Variants in PHF8 observed in about 807,000 individuals in gnomAD.
The protein encoded by PHF8 is PHD finger protein 8.
In PHF8, 9 loss-of-function variants were observed where a neutral mutation model predicts 74.4. The observed-to-expected ratio is 0.12, with a 90% confidence interval of 0.07 to 0.21. PHF8 has a LOEUF of 0.21. PHF8 is among the 10% of genes least tolerant of loss of function. The pLI is 1.00. For missense variants in PHF8, 478 were observed against 816.6 expected, an observed-to-expected ratio of 0.59 and a Z score of 5.05; for synonymous variants, 311 against 316.6, an observed-to-expected ratio of 0.98 and a Z score of 0.19.
intron 11 of PHF8, among the ~76,000 whole-genome samples, chrX:53,997,957 C>G (rs1443248523): frequency 8.9e-6 from 1 of 111,745 alleles, no homozygotes; most frequent in Non-Finnish European, 1.9e-5. Context: ...ACAAGTTAAG[C>G]CTGCAGTGCA....
At chrX:53,941,760 T>G (rs185824925) in intron 20 of PHF8, among the ~76,000 whole-genome samples, 1 of 111,915 alleles carries the variant, frequency 8.9e-6, no homozygotes, top group Non-Finnish European at 1.9e-5. Flanking sequence ...CTTCTATAAT[T>G]ACTCATTTAA....
intron 2 of PHF8, among the ~76,000 whole-genome samples, chrX:54,037,502 C>T (rs1360705888): frequency 8.9e-6 from 1 of 112,154 alleles, no homozygotes; most frequent in Admixed American, 9.5e-5. Flanking sequence ...CAGCCTTGGC[C>T]TCCCAAAGTG....
chrX:54,007,280 T>A (rs2065910539), intron 8 of PHF8, among the ~76,000 whole-genome samples: 1 of 111,857 alleles, frequency 8.9e-6, no homozygotes, highest in Non-Finnish European at 1.9e-5. Context: ...ATGAAAGATC[T>A]AAATGTAAGA....
chrX:53,989,757 TTGTC>T (rs1410873129), intron 14 of PHF8, among the ~76,000 whole-genome samples: 5 of 112,296 alleles, frequency 4.5e-5, no homozygotes, highest in African/African-American at 1.6e-4. Flanking sequence ...TTTCAGTGAA[TTGTC>T]TGTCATTTAA....
chrX:53,981,322 T>C (rs1007962112), intron 18 of PHF8, among the ~76,000 whole-genome samples: 1 of 112,225 alleles, frequency 8.9e-6, no homozygotes, highest in Non-Finnish European at 1.9e-5. Flanking sequence ...AACCAATCAG[T>C]GGTAGACTTT....
At chrX:53,977,941 C>T (rs1237623163) in intron 18 of PHF8, among the ~76,000 whole-genome samples, 3 of 103,323 alleles carry the variant, frequency 2.9e-5, no homozygotes, top group Non-Finnish European at 5.9e-5. Context: ...CCACTGCGCC[C>T]GGCCTTTTTT....
At position 53,938,980 on chromosome X, in the gene PHF8, T is replaced by C; in HGVS notation, c.*178A>G. Reference sequence around the variant, plus strand: ...GGCAGGCAGGATGCTCTAGTGAAAGTGGGGAAGGGAACTAGAAGGAGTCGG... The same window carrying C: ...GGCAGGCAGGATGCTCTAGTGAAAGCGGGGAAGGGAACTAGAAGGAGTCGG... On this transcript the variant is annotated 3_prime_UTR_variant, in exon 22 of 22. Coordinates refer to ENST00000338154, the MANE Select transcript of PHF8 (RefSeq NM_015107.3). 2.0e-6 allele frequency: 2 copies of C among 1,010,922 alleles called. No individual in the cohort carries two copies. Among genetic ancestry groups the C allele is most frequent in the Non-Finnish European group, 2.5e-6 (2 of 797,611 alleles). 83.3% of individuals were successfully genotyped at this position (1,010,922 alleles called of 1,213,427 possible). A position where few individuals can be genotyped will look rare whatever the true frequency, so the allele number is the denominator to read the frequency against.
At chrX:54,009,483 G>T (rs1557106196) in intron 8 of PHF8, among the ~76,000 whole-genome samples, 1 of 109,516 alleles carries the variant, frequency 9.1e-6, no homozygotes, top group African/African-American at 3.3e-5. Context: ...GCAGAGGGAA[G>T]GAAAAATAAA....
intron 19 of PHF8, among the ~76,000 whole-genome samples, chrX:53,955,299 G>C (rs1233593832): frequency 9.1e-6 from 1 of 110,234 alleles, no homozygotes; most frequent in African/African-American, 3.3e-5. Context: ...GGCTGGTCTT[G>C]AACTCCTAGG....
In PHF8 at chrX:54,017,778, C is replaced by T. The variant is rs1557108684; in HGVS notation, c.337G>A (p.Val113Met). 2 of 1,210,031 alleles carry T rather than the reference C, an allele frequency of 1.7e-6. No individual in the cohort carries two copies. The highest frequency in any genetic ancestry group is 2.2e-6 in the Non-Finnish European group (2 of 893,964). Residue 113 changes from valine to methionine, a missense_variant, in exon 5 of 22, where the codon GTG becomes ATG. Transcript: ENST00000338154. Reference protein sequence around the residue: ...ILKPTGNQLTVEFLEENSFSV... With the variant: ...ILKPTGNQLTMEFLEENSFSV... ...AAGCTATTTTCTTCCAGGAATTCCA[C>T]GGTCAGTTGATTTCCAGTGGGCTTC...
At chrX:54,005,460 G>A (rs1232369375) in intron 8 of PHF8, among the ~76,000 whole-genome samples, 9 of 98,345 alleles carry the variant, frequency 9.2e-5, no homozygotes, top group African/African-American at 1.9e-4. Context: ...AAGAAAGAAA[G>A]AAAAGAAAAA....
upstream of PHF8, among the ~76,000 whole-genome samples, chrX:54,046,029 C>G (rs1401737170): frequency 9.1e-6 from 1 of 109,360 alleles, no homozygotes; most frequent in Non-Finnish European, 1.9e-5. Flanking sequence ...GCTCACTGCA[C>G]CCTAGAACTC....
chrX:53,970,244 G>A (rs2065272428), intron 18 of PHF8, among the ~76,000 whole-genome samples: 1 of 111,696 alleles, frequency 9.0e-6, no homozygotes, highest in Admixed American at 9.6e-5. Context: ...CAAGGGATTA[G>A]GATTAATAAC....
rs1250590607 is a variant in PHF8 at position 53,994,403 on chromosome X, C to T, written c.1324-500G>A. ...CCTTTGAGCTTCTTGGGAGGAGCCCCGAGAATCGGGGGAAGGTAGAAGGCG... is the reference window on the plus strand; with the variant it reads ...CCTTTGAGCTTCTTGGGAGGAGCCCTGAGAATCGGGGGAAGGTAGAAGGCG... On this transcript the variant is annotated intron_variant, in intron 12 of 21. Coordinates refer to ENST00000338154, the MANE Select transcript of PHF8 (RefSeq NM_015107.3). Among the ~76,000 whole-genome samples, 3 of 112,265 alleles carry T rather than the reference C, an allele frequency of 2.7e-5. No homozygotes were observed. The Admixed American group carries it at 2.8e-4, about 11-fold the overall frequency.
chrX:54,044,692 C>T (rs1274613478), upstream of PHF8, among the ~76,000 whole-genome samples: 4 of 112,704 alleles, frequency 3.5e-5, no homozygotes, highest in Non-Finnish European at 7.5e-5. Flanking sequence ...TGAGTGGGGC[C>T]CGAAACTTCC....
intron 18 of PHF8, among the ~76,000 whole-genome samples, chrX:53,970,209 A>T: frequency 8.9e-6 from 1 of 112,284 alleles, no homozygotes; most frequent in South Asian, 3.6e-4. Flanking sequence ...GAATGGGAGA[A>T]AATATCTGCA....
rs1557116239 is a variant in PHF8, at chrX:54,042,634, C to T, written c.95G>A (p.Gly32Asp). 3 of 1,209,074 alleles carry T rather than the reference C, an allele frequency of 2.5e-6. No individual in the cohort carries two copies. Among genetic ancestry groups the T allele is most frequent in the Admixed American group, 2.2e-5 (1 of 45,899 alleles). ...TAGCCTGGCCTGCCCTCCTTACCTG[C>T]CATGAAACCAGTCCTGGCACATGTC... ...ECDMCQDWFH[G>D]SCVGVEEEKA... Residue 32 changes from glycine (G) to aspartate (D), a missense_variant, in exon 2 of 22, where the codon GGC becomes GAC. Gly to Asp is a moderately conservative substitution (Grantham distance 94). Coordinates refer to ENST00000338154, the MANE Select transcript of PHF8 (RefSeq NM_015107.3).
intron 2 of PHF8, among the ~76,000 whole-genome samples, chrX:54,030,815 G>C (rs2066343293): frequency 8.9e-6 from 1 of 112,064 alleles, no homozygotes; most frequent in Non-Finnish European, 1.9e-5. Flanking sequence ...TCTCACCTCT[G>C]CCACTCACTA....
chrX:54,036,571 C>CAAA (rs1160936317), intron 2 of PHF8, among the ~76,000 whole-genome samples: 21 of 6,170 alleles, frequency 3.4e-3, no homozygotes, highest in African/African-American at 5.0e-3. Context: ...GACACTGTCT[C>CAAA]AAAAAAAAAA....
Sources: gnomAD v4.1 joint callset for allele counts (sites outside exome capture counted in the v4.1 genomes callset) on GRCh38, gnomAD v4.1.1 for gene constraint, MANE v1.5 for transcripts, NCBI Gene and HGNC (gene_info 2026-07-23, HGNC 2026-07-21) for gene names.